Variants in PCDH9 observed in about 807,000 individuals in gnomAD.
PCDH9 encodes protocadherin 9.
Under a neutral mutation model 70.6 loss-of-function variants are expected in PCDH9, and 24 were observed. The observed-to-expected ratio is 0.34, with a 90% CI of 0.25 to 0.48. PCDH9 has a LOEUF of 0.48. PCDH9 is among the 20% of genes least tolerant of loss of function. The pLI, the probability that PCDH9 is intolerant of heterozygous loss-of-function variation, is 0.99. For missense variants in PCDH9, 1,281 were observed against 1,503.6 expected, an observed-to-expected ratio of 0.85 and a Z score of 2.45; for synonymous variants, 562 against 558.5, an observed-to-expected ratio of 1.01 and a Z score of -0.09.
intron 3 of PCDH9, among the ~76,000 whole-genome samples, chr13:66,666,892 G>T (rs1298100113): frequency 1.3e-5 from 2 of 152,030 alleles, no homozygotes; most frequent in African/African-American, 4.8e-5. Flanking sequence ...TTCTGAAGTA[G>T]GTTATTTTTA....
chr13:66,868,785 G>A (rs566432512), intron 3 of PCDH9, among the ~76,000 whole-genome samples: 78 of 152,182 alleles, frequency 5.1e-4, no homozygotes, highest in Non-Finnish European at 9.6e-4. Flanking sequence ...GGCGAAGTTG[G>A]GAAAAATTAG....
In PCDH9 at chr13:67,142,801, C is replaced by G. The variant is rs553607310; in HGVS notation, c.3036+82604G>C. Reference sequence around the variant, plus strand: ...GGACCATGAGGTCAGGAGTTTGAGACCAGCCTGGCCAACACAGTGAAACCC... The same window carrying G: ...GGACCATGAGGTCAGGAGTTTGAGAGCAGCCTGGCCAACACAGTGAAACCC... On this transcript the variant is annotated intron_variant, in intron 2 of 4. Coordinates refer to ENST00000377865, the MANE Select transcript of PCDH9 (RefSeq NM_203487.3). Among the ~76,000 whole-genome samples the G allele has an allele frequency of 1.2e-3, 183 of 151,018 alleles. 1 individual carries two copies. Among genetic ancestry groups the G allele is most frequent in the African/African-American group, 4.2e-3 (172 of 41,052 alleles).
chr13:66,807,030 T>A (rs1490830970), intron 3 of PCDH9, among the ~76,000 whole-genome samples: 1 of 152,190 alleles, frequency 6.6e-6, no homozygotes, highest in African/African-American at 2.4e-5. Flanking sequence ...TCCTAAAAAA[T>A]GTAGATATAA....
chr13:67,079,740 G>T (rs2085947171), intron 2 of PCDH9, among the ~76,000 whole-genome samples: 1 of 152,086 alleles, frequency 6.6e-6, no homozygotes, highest in African/African-American at 2.4e-5. Flanking sequence ...GATGAACTGA[G>T]AGCCTGACAC....
intron 2 of PCDH9, among the ~76,000 whole-genome samples, chr13:67,010,278 C>T (rs574190834): frequency 1.3e-5 from 2 of 152,032 alleles, no homozygotes; most frequent in Admixed American, 1.3e-4. Context: ...AACACGGATT[C>T]AAACCCCCAA....
At chr13:66,451,799 A>G (rs959158671) in intron 4 of PCDH9, among the ~76,000 whole-genome samples, 3 of 152,240 alleles carry the variant, frequency 2.0e-5, no homozygotes, top group African/African-American at 7.2e-5. Context: ...AAATTAATCT[A>G]CATTTTTAAA....
At chr13:66,654,569 A>G (rs930109515) in intron 3 of PCDH9, among the ~76,000 whole-genome samples, 9 of 152,214 alleles carry the variant, frequency 5.9e-5, no homozygotes, top group African/African-American at 2.2e-4. Flanking sequence ...CTGTATCAAA[A>G]TCTTATGTAC....
intron 4 of PCDH9, among the ~76,000 whole-genome samples, chr13:66,353,292 T>C (rs1956323300): frequency 6.6e-6 from 1 of 152,166 alleles, no homozygotes; most frequent in African/African-American, 2.4e-5. Flanking sequence ...ATGAAGAGGC[T>C]GAAAAATACA....
At chr13:66,764,208 ATGAT>A (rs1211018080) in intron 3 of PCDH9, among the ~76,000 whole-genome samples, 1 of 151,914 alleles carries the variant, frequency 6.6e-6, no homozygotes, top group Non-Finnish European at 1.5e-5. Flanking sequence ...TAAAAATATA[ATGAT>A]TGATCACACA....
intron 4 of PCDH9, among the ~76,000 whole-genome samples, chr13:66,540,102 C>T (rs1337792867): frequency 6.6e-6 from 1 of 151,878 alleles, no homozygotes; most frequent in Non-Finnish European, 1.5e-5. Flanking sequence ...TCTTGAACTC[C>T]TGGGCTCAAG....
intron 4 of PCDH9, among the ~76,000 whole-genome samples, chr13:66,592,783 G>T (rs2077054144): frequency 6.6e-6 from 1 of 151,694 alleles, no homozygotes; most frequent in South Asian, 2.1e-4. Context: ...AGGAGAAAAT[G>T]ACCAGAATAA....
intron 4 of PCDH9, among the ~76,000 whole-genome samples, chr13:66,564,370 T>C (rs183491096): frequency 2.4e-4 from 37 of 152,128 alleles, no homozygotes; most frequent in Admixed American, 1.6e-3. Context: ...CTTACCTTTT[T>C]GCCCAGGCTG....
At chr13:67,179,927 T>C (rs1049229121) in intron 2 of PCDH9, among the ~76,000 whole-genome samples, 10 of 152,122 alleles carry the variant, frequency 6.6e-5, no homozygotes, top group Non-Finnish European at 1.0e-4. Context: ...CTCAAAACTA[T>C]AGTTGGCTAA....
intron 2 of PCDH9, among the ~76,000 whole-genome samples, chr13:67,157,777 A>G (rs1179907973): frequency 1.3e-5 from 2 of 152,214 alleles, no homozygotes; most frequent in African/African-American, 4.8e-5. Flanking sequence ...GGCCTTTAGA[A>G]GAAGGCAGCC....
rs865962207 is a variant in PCDH9 at position 66,489,543 on chromosome 13, C to T, written c.3340+141667G>A. Among the ~76,000 whole-genome samples the T allele has an allele frequency of 2.0e-5, 3 of 152,262 alleles. No homozygotes were observed. The South Asian group carries it at 6.2e-4, about 32-fold the overall frequency. On this transcript the variant is annotated intron_variant, in intron 4 of 4. Transcript: ENST00000377865. ...CCCAACCTTGTCTCAAACTCCTAGG[C>T]TCAAGGGATTCTCCTGCTTCAGCTT...
chr13:66,537,276 G>A (rs901285812), intron 4 of PCDH9, among the ~76,000 whole-genome samples: 12 of 151,948 alleles, frequency 7.9e-5, no homozygotes, highest in Non-Finnish European at 1.5e-4. Context: ...CTGAACATTG[G>A]GTTACTCTTT....
rs181309928 is a variant in PCDH9, at chr13:66,804,117, A to T, written c.3138+99387T>A. Among the ~76,000 whole-genome samples the T allele has an allele frequency of 1.0e-3, 159 of 152,296 alleles. 1 individual carries two copies. Among genetic ancestry groups the T allele is most frequent in the African/African-American group, 3.7e-3 (155 of 41,570 alleles). ...TCGGATATGTGACTCTACTGTTTTCATTGAGAAGTCTTACTATTTAATTTA... is the reference window on the plus strand; with the variant it reads ...TCGGATATGTGACTCTACTGTTTTCTTTGAGAAGTCTTACTATTTAATTTA... On this transcript the variant is annotated intron_variant, in intron 3 of 4. Transcript: ENST00000377865.
chr13:66,807,950 G>C (rs1265965085), intron 3 of PCDH9, among the ~76,000 whole-genome samples: 2 of 152,090 alleles, frequency 1.3e-5, no homozygotes, highest in Non-Finnish European at 2.9e-5. Context: ...ATCCTCAGAG[G>C]GCTGGGTGGT....
Position 67,036,353 on chromosome 13 carries a change from C to T in PCDH9, c.3037-132748G>A, listed in dbSNP as rs188445663. ...CCAGCCATTCAAATCTCTATTCCTA[C>T]ATAAAGCTCTAAACCCACTAATCTC... On this transcript the variant is annotated intron_variant, in intron 2 of 4. Coordinates refer to ENST00000377865, the MANE Select transcript of PCDH9 (RefSeq NM_203487.3). Among the ~76,000 whole-genome samples the T allele has an allele frequency of 9.9e-5, 15 of 152,272 alleles. No homozygotes were observed. In the East Asian group the frequency reaches 2.1e-3, roughly 22 times the overall value.
Sources: gnomAD v4.1 joint callset for allele counts (sites outside exome capture counted in the v4.1 genomes callset) on GRCh38, gnomAD v4.1.1 for gene constraint, MANE v1.5 for transcripts, NCBI Gene and HGNC (gene_info 2026-07-23, HGNC 2026-07-21) for gene names.